CCDC12: variants seen among roughly 807,000 people sequenced by gnomAD.
The protein encoded by CCDC12 is coiled-coil domain containing 12, also known as coiled-coil domain-containing protein 12.
A neutral mutation model predicts 25.7 loss-of-function variants in CCDC12; 28 were observed. The observed-to-expected ratio is 1.09, with a 90% CI of 0.81 to 1.50. The LOEUF (loss-of-function observed/expected upper bound fraction) is 1.50. CCDC12 is among the 40% of genes most tolerant of loss of function. The pLI is 0.00. For missense variants in CCDC12, 198 were observed against 210.0 expected (o/e 0.94, Z 0.35); for synonymous variants, 75 against 87.7 (o/e 0.86, Z 0.81).
chr3:46,947,164 C>T (rs6442042), intron 1 of CCDC12, among the ~76,000 whole-genome samples: 142,951 of 152,278 alleles, frequency 0.94, 67,782 homozygotes, highest in East Asian at 1. Context: ...AATAAGACCT[C>T]GAAATCCTAG....
At chr3:46,944,930 C>T (rs2033847299) in intron 1 of CCDC12, among the ~76,000 whole-genome samples, 1 of 152,188 alleles carries the variant, frequency 6.6e-6, no homozygotes, top group Non-Finnish European at 1.5e-5. Context: ...TCTTACACCC[C>T]ACATTTTGTC....
intron 1 of CCDC12, chr3:46,966,028 G>C (rs1033444712): frequency 1.3e-5 from 2 of 152,334 alleles, no homozygotes; most frequent in East Asian, 1.9e-4. Context: ...AGCCAGGTGG[G>C]CAAAGCAACC....
At chr3:46,928,540 G>GA (rs932104443) in intron 2 of CCDC12, among the ~76,000 whole-genome samples, 196 of 147,558 alleles carry the variant, frequency 1.3e-3, no homozygotes, top group African/African-American at 4.1e-3. Context: ...GGCCTGGAGA[G>GA]AAAAAAAAAA....
chr3:46,925,542 G>C lies in CCDC12; in HGVS notation c.165-7C>G. On this transcript the variant is annotated splice_region_variant and splice_polypyrimidine_tract_variant and intron_variant, in intron 2 of 6. Transcript: ENST00000683445. ...GTTCCGCAGCCTAAGTTCCCTGCAA[G>C]AATAGAGGGAACAAGCAGAGATGAA... 6.4e-7 allele frequency: 1 copy of C among 1,559,140 alleles called. No individual in the cohort carries two copies. The highest frequency in any genetic ancestry group is 2.3e-5 in the East Asian group (1 of 44,132).
intron 1 of CCDC12, among the ~76,000 whole-genome samples, chr3:46,950,754 T>C (rs535735089): frequency 9.9e-5 from 15 of 152,246 alleles, no homozygotes; most frequent in African/African-American, 3.6e-4. Flanking sequence ...ATAACCTGTG[T>C]CCATAAATGG....
intron 1 of CCDC12, among the ~76,000 whole-genome samples, chr3:46,948,934 CTCCATGCTGTACT>C (rs371065703): frequency 0.95 from 144,842 of 152,148 alleles, 69,368 homozygotes; most frequent in East Asian, 1. Flanking sequence ...CCCTGTGGTA[CTCCATGCTGTACT>C]CAGATACTCC....
At chr3:46,923,964 C>A (rs1003119273) in intron 3 of CCDC12, 4 of 326,426 alleles carry the variant, frequency 1.2e-5, no homozygotes, top group African/African-American at 6.4e-5. Flanking sequence ...CAGAGAGCTG[C>A]CTGGATACAT....
chr3:46,923,691 GAAGGCCTGTGGAA>G, intron 3 of CCDC12, 23 bp from the exon 4 acceptor site: 1 of 1,499,550 alleles, frequency 6.7e-7, no homozygotes, highest in Non-Finnish European at 8.9e-7. Context: ...ATTAAACAGA[GAAGGCCTGTGGAA>G]AACGCGCTGC....
chr3:46,939,627 A>G (rs1187108792), intron 2 of CCDC12, among the ~76,000 whole-genome samples: 1 of 152,150 alleles, frequency 6.6e-6, no homozygotes, highest in South Asian at 2.1e-4. Context: ...CTGGGGGCTG[A>G]GGCCCAACAA....
At chr3:46,928,559 A>T (rs2033074508) in intron 2 of CCDC12, among the ~76,000 whole-genome samples, 2 of 152,344 alleles carry the variant, frequency 1.3e-5, no homozygotes, top group South Asian at 4.1e-4. Context: ...AAGTGTGTTT[A>T]AGCAGAAACT....
intron 1 of CCDC12, among the ~76,000 whole-genome samples, chr3:46,958,364 T>C (rs4682835): frequency 0.94 from 143,735 of 152,140 alleles, 68,466 homozygotes; most frequent in East Asian, 1. Context: ...AAGTTAATCA[T>C]TTAAGTCTTT....
Position 46,945,938 on chromosome 3 carries a change from G to A in CCDC12, c.97-4873C>T, listed in dbSNP as rs537940049. ...GCCTCCATCTCATCTCCTCAGACTC[G>A]GTGTTTCAACAATGGCTTTGCTCCT... On this transcript the variant is annotated intron_variant, in intron 1 of 6. Coordinates refer to ENST00000683445, the MANE Select transcript of CCDC12 (RefSeq NM_001277074.2). Among the ~76,000 whole-genome samples, 8 of 152,184 alleles carry A rather than the reference G, an allele frequency of 5.3e-5. No homozygotes were observed. In the South Asian group the frequency reaches 1.7e-3, roughly 32 times the overall value.
upstream of CCDC12, among the ~76,000 whole-genome samples, chr3:46,980,490 A>G (rs571400147): frequency 6.6e-6 from 1 of 151,984 alleles, no homozygotes; most frequent in African/African-American, 2.4e-5. Flanking sequence ...CCTGACTTGA[A>G]ATGACCCACC....
intron 1 of CCDC12, among the ~76,000 whole-genome samples, chr3:46,971,908 G>A (rs1308232071): frequency 7.9e-5 from 12 of 152,120 alleles, no homozygotes; most frequent in Admixed American, 7.9e-4. Flanking sequence ...CTCTCTGAAG[G>A]AGGAGACTCA....
In CCDC12 at chr3:46,946,967, G is replaced by C. The variant is rs141984144; in HGVS notation, c.97-5902C>G. Among the ~76,000 whole-genome samples the C allele has an allele frequency of 3.8e-3, 580 of 152,278 alleles. 4 individuals are homozygous for C. The highest frequency in any genetic ancestry group is 0.013 in the African/African-American group (553 of 41,554). On this transcript the variant is annotated intron_variant, in intron 1 of 6. Coordinates refer to ENST00000683445, the MANE Select transcript of CCDC12 (RefSeq NM_001277074.2). ...AGAGAAGCAGGAAAGGGTTAAGAGA[G>C]AGACATTCAACTTCTCATCTAGGGT...
At chr3:46,954,950 G>A (rs1358322605) in intron 1 of CCDC12, among the ~76,000 whole-genome samples, 4 of 152,082 alleles carry the variant, frequency 2.6e-5, no homozygotes, top group Non-Finnish European at 5.9e-5. Flanking sequence ...CCAACCAACC[G>A]ACAGCCAACA....
chr3:46,975,840 G>GT (rs1559569775), intron 1 of CCDC12, among the ~76,000 whole-genome samples: 6 of 67,116 alleles, frequency 8.9e-5, no homozygotes, highest in Non-Finnish European at 1.2e-4. Flanking sequence ...TTTTATTTTC[G>GT]ATTTTTTTTT....
chr3:46,950,877 T>C (rs1370312014), intron 1 of CCDC12, among the ~76,000 whole-genome samples: 2 of 152,078 alleles, frequency 1.3e-5, no homozygotes, highest in African/African-American at 4.8e-5. Context: ...TGGGGAACAT[T>C]ATGCTAAGCG....
chr3:46,972,463 A>G (rs1341575292), intron 1 of CCDC12, among the ~76,000 whole-genome samples: 3 of 152,240 alleles, frequency 2.0e-5, no homozygotes, highest in Admixed American at 6.5e-5. Flanking sequence ...AAAGAGCCCA[A>G]TTAAAAATAT....
Sources: gnomAD v4.1 joint callset for allele counts (sites outside exome capture counted in the v4.1 genomes callset) on GRCh38, gnomAD v4.1.1 for gene constraint, MANE v1.5 for transcripts, NCBI Gene and HGNC (gene_info 2026-07-23, HGNC 2026-07-21) for gene names.